Variants in DTWD2 observed in about 807,000 individuals in gnomAD.
DTWD2 encodes the protein tRNA-uridine aminocarboxypropyltransferase 2.
A neutral mutation model predicts 31.8 loss-of-function variants in DTWD2; 39 were observed. The ratio of observed to expected loss-of-function variants is 1.22; its 90% CI spans 0.95 to 1.60. The LOEUF is 1.60. Among genes scored for constraint, DTWD2 ranks in the 40% most tolerant of loss-of-function variants. The pLI is 0.00. For synonymous variants in DTWD2, 180 were observed against 142.8 expected (o/e 1.26, Z -1.86); for missense variants, 515 against 381.5 (o/e 1.35, Z -2.92).
chr5:118,923,528 G>A (rs1480944055), intron 4 of DTWD2, among the ~76,000 whole-genome samples: 1 of 152,162 alleles, frequency 6.6e-6, no homozygotes, highest in Non-Finnish European at 1.5e-5. Flanking sequence ...GAGGCACTGC[G>A]CATGCGGGAA....
chr5:118,958,084 T>C (rs1003413700), intron 1 of DTWD2, among the ~76,000 whole-genome samples: 2 of 152,174 alleles, frequency 1.3e-5, no homozygotes, highest in Non-Finnish European at 2.9e-5. Flanking sequence ...CTAGACATGT[T>C]TGTTCCTACT....
At chr5:118,908,020 A>G (rs1753372425) in intron 4 of DTWD2, among the ~76,000 whole-genome samples, 1 of 152,226 alleles carries the variant, frequency 6.6e-6, no homozygotes, top group Non-Finnish European at 1.5e-5. Flanking sequence ...AAAACTAACC[A>G]TCACTGGACC....
chr5:118,918,543 T>C (rs997455394), intron 4 of DTWD2, among the ~76,000 whole-genome samples: 3 of 151,608 alleles, frequency 2.0e-5, no homozygotes, highest in African/African-American at 7.3e-5. Flanking sequence ...AGAAACAGAA[T>C]CAAAGTTAAA....
At chr5:118,881,676 T>A (rs575376174) in intron 4 of DTWD2, among the ~76,000 whole-genome samples, 1 of 151,830 alleles carries the variant, frequency 6.6e-6, no homozygotes, top group Admixed American at 6.6e-5. Context: ...CGGTAGAAAG[T>A]GAAGGGGAAG....
chr5:118,892,531 T>C (rs1235358580), intron 4 of DTWD2, among the ~76,000 whole-genome samples: 1 of 152,094 alleles, frequency 6.6e-6, no homozygotes, highest in African/African-American at 2.4e-5. Flanking sequence ...GAAATGTATA[T>C]TTGACAAAAA....
intron 1 of DTWD2, among the ~76,000 whole-genome samples, chr5:118,962,468 ATGG>A (rs1754728001): frequency 6.6e-6 from 1 of 152,210 alleles, no homozygotes; most frequent in East Asian, 1.9e-4. Context: ...CAATTTATTT[ATGG>A]TGACCTGCCG....
At chr5:118,916,945 A>G (rs1018490070) in intron 4 of DTWD2, among the ~76,000 whole-genome samples, 1 of 152,214 alleles carries the variant, frequency 6.6e-6, no homozygotes, top group East Asian at 1.9e-4. Flanking sequence ...ACTACAACTA[A>G]TTACAATTAT....
At chr5:118,968,387 T>A (rs1293821144) in intron 1 of DTWD2, among the ~76,000 whole-genome samples, 1 of 152,160 alleles carries the variant, frequency 6.6e-6, no homozygotes, top group Non-Finnish European at 1.5e-5. Context: ...TCAGTGGCTA[T>A]CACAGAGAAG....
At chr5:118,914,414 G>C (rs981368923) in intron 4 of DTWD2, among the ~76,000 whole-genome samples, 1 of 152,106 alleles carries the variant, frequency 6.6e-6, no homozygotes. Context: ...CTGTGAGCCA[G>C]AACACCCAGT....
intron 4 of DTWD2, among the ~76,000 whole-genome samples, chr5:118,919,236 G>C (rs557490855): frequency 6.6e-6 from 1 of 152,330 alleles, no homozygotes; most frequent in Admixed American, 6.5e-5. Flanking sequence ...AAGCAAAGGA[G>C]AGGAACTCTG....
In DTWD2 at chr5:118,916,172, G is replaced by A. The variant is rs1753571785; in HGVS notation, c.597+12365C>T. Among the ~76,000 whole-genome samples, 3 of 152,104 alleles carry A rather than the reference G, an allele frequency of 2.0e-5. No homozygotes were observed. The South Asian group carries it at 6.2e-4, about 31-fold the overall frequency. Reference sequence around the variant, plus strand: ...TCAGACCCACAGTATGAAGACTGTTGGATAAAAAGGTTAGCTGTATAAAAA... The same window carrying A: ...TCAGACCCACAGTATGAAGACTGTTAGATAAAAAGGTTAGCTGTATAAAAA... On this transcript the variant is annotated intron_variant, in intron 4 of 5. Coordinates refer to ENST00000510708, the MANE Select transcript of DTWD2 (RefSeq NM_173666.4).
chr5:118,908,659 A>C (rs1753388689), intron 4 of DTWD2, among the ~76,000 whole-genome samples: 1 of 150,896 alleles, frequency 6.6e-6, no homozygotes, highest in African/African-American at 2.4e-5. Context: ...CCACCACCAA[A>C]AAAAAAAAAA....
chr5:118,851,706 G>C (rs1271907483), intron 4 of DTWD2, among the ~76,000 whole-genome samples: 1 of 118,754 alleles, frequency 8.4e-6, no homozygotes, highest in Admixed American at 9.5e-5. Context: ...GGGGGAGGGG[G>C]GAGGGATAGC....
intron 4 of DTWD2, among the ~76,000 whole-genome samples, chr5:118,920,845 A>G (rs1286327430): frequency 1.3e-5 from 2 of 152,090 alleles, no homozygotes; most frequent in Non-Finnish European, 2.9e-5. Context: ...TGTTTTTTCC[A>G]TGACCTGTGT....
chr5:118,935,461 A>G (rs1211744770), intron 3 of DTWD2, among the ~76,000 whole-genome samples: 1 of 152,160 alleles, frequency 6.6e-6, no homozygotes, highest in Non-Finnish European at 1.5e-5. Context: ...AGGCAGGGTC[A>G]GAATTGAACT....
intron 5 of DTWD2, among the ~76,000 whole-genome samples, chr5:118,843,836 C>G (rs1049224495): frequency 2.0e-5 from 3 of 152,168 alleles, no homozygotes; most frequent in Admixed American, 6.5e-5. Context: ...AATAGGCCAG[C>G]CTCCTTCCTG....
At chr5:118,966,494 G>A (rs1004148585) in intron 1 of DTWD2, among the ~76,000 whole-genome samples, 1 of 152,088 alleles carries the variant, frequency 6.6e-6, no homozygotes, top group Non-Finnish European at 1.5e-5. Context: ...GTGGTTTTTA[G>A]ATCTTTGCAA....
At chr5:118,912,561 T>C (rs530622135) in intron 4 of DTWD2, among the ~76,000 whole-genome samples, 33 of 152,344 alleles carry the variant, frequency 2.2e-4, no homozygotes, top group Middle Eastern at 3.4e-3. Flanking sequence ...TTTGCCCATA[T>C]TGTTTTACTC....
At chr5:118,879,263 T>C (rs1032657474) in intron 4 of DTWD2, among the ~76,000 whole-genome samples, 1 of 152,066 alleles carries the variant, frequency 6.6e-6, no homozygotes, top group Non-Finnish European at 1.5e-5. Flanking sequence ...ATAGACTGAA[T>C]AAGGAAAATG....
Sources: gnomAD v4.1 joint callset for allele counts (sites outside exome capture counted in the v4.1 genomes callset) on GRCh38, gnomAD v4.1.1 for gene constraint, MANE v1.5 for transcripts, NCBI Gene and HGNC (gene_info 2026-07-23, HGNC 2026-07-21) for gene names.